WDR70: variants seen among roughly 807,000 people sequenced by gnomAD.
WDR70 encodes WD repeat domain 70, also known as WD repeat-containing protein 70.
Under a neutral mutation model 88.6 loss-of-function variants are expected in WDR70, and 53 were observed. The observed-to-expected ratio is 0.60, with a 90% CI of 0.48 to 0.75. The LOEUF (loss-of-function observed/expected upper bound fraction) is 0.75. Among genes scored for constraint, WDR70 ranks in the 30% least tolerant of loss-of-function variants. WDR70 has a pLI of 0.00. For missense variants in WDR70, 610 were observed against 823.2 expected (o/e 0.74, Z 3.17); for synonymous variants, 280 against 270.0 (o/e 1.04, Z -0.36).
At chr5:37,570,120 A>C (rs779681434) in intron 9 of WDR70, among the ~76,000 whole-genome samples, 3 of 152,120 alleles carry the variant, frequency 2.0e-5, no homozygotes, top group Non-Finnish European at 4.4e-5. Context: ...ACTAGAGGCG[A>C]TGGGACCATA....
rs1207198051 is a variant in WDR70 at position 37,402,895 on chromosome 5, C to CTTCT, written c.492+6328_492+6329insTTTC. Among the ~76,000 whole-genome samples, 50 of 148,306 alleles carry CTTCT rather than the reference C, an allele frequency of 3.4e-4. No homozygotes were observed. The East Asian group carries it at 7.4e-3, about 22-fold the overall frequency. ...CAGGTAAGAGCATGTAAAATCCATC[C>CTTCT]TTCCTTCCTTCCTTCCTTCCCTCTT... On this transcript the variant is annotated intron_variant, in intron 5 of 17. Coordinates refer to ENST00000265107, the MANE Select transcript of WDR70 (RefSeq NM_018034.4).
chr5:37,567,368 A>G (rs1742774910), intron 9 of WDR70, among the ~76,000 whole-genome samples: 2 of 152,210 alleles, frequency 1.3e-5, no homozygotes, highest in Admixed American at 6.5e-5. Flanking sequence ...TGTTCTGCCC[A>G]CAGAATTTTA....
intron 10 of WDR70, among the ~76,000 whole-genome samples, chr5:37,679,905 C>A (rs1746373267): frequency 6.6e-6 from 1 of 152,274 alleles, no homozygotes; most frequent in Non-Finnish European, 1.5e-5. Context: ...AGCTTCCCGG[C>A]TGCTTTGTTT....
At chr5:37,453,897 T>C (rs2112086134) in intron 7 of WDR70, among the ~76,000 whole-genome samples, 1 of 152,284 alleles carries the variant, frequency 6.6e-6, no homozygotes, top group East Asian at 1.9e-4. Context: ...GTAGCTCCTC[T>C]CCCACCTCTC....
In WDR70 at chr5:37,422,974, T is replaced by C. The variant is rs117079216; in HGVS notation, c.493-14948T>C. On this transcript the variant is annotated intron_variant, in intron 5 of 17. Transcript: ENST00000265107. ...CAAAATGCGGGAATGTTGTGAAAAG[T>C]TTTTGATTGCTACCAAGGTGGTGGA... is the stretch of plus-strand genomic sequence containing the variant. Among the ~76,000 whole-genome samples the C allele has an allele frequency of 7.9e-5, 12 of 152,118 alleles. No homozygotes were observed. The East Asian group carries it at 2.3e-3, about 29-fold the overall frequency.
intron 9 of WDR70, among the ~76,000 whole-genome samples, chr5:37,576,357 A>C (rs1175653400): frequency 6.6e-6 from 1 of 151,868 alleles, no homozygotes; most frequent in Admixed American, 6.6e-5. Context: ...AAGGCAAGAT[A>C]ATAGCTCCTT....
At chr5:37,629,493 T>G (rs1654674259) in intron 10 of WDR70, among the ~76,000 whole-genome samples, 1 of 152,188 alleles carries the variant, frequency 6.6e-6, no homozygotes, top group Non-Finnish European at 1.5e-5. Flanking sequence ...TGCCACTGCT[T>G]GTGTTATTTC....
intron 11 of WDR70, among the ~76,000 whole-genome samples, chr5:37,699,039 A>G (rs1207112549): frequency 6.6e-6 from 1 of 152,124 alleles, no homozygotes; most frequent in Admixed American, 6.6e-5. Flanking sequence ...CCAGTAGTGT[A>G]TCTGAATCCC....
At chr5:37,695,572 C>G (rs1424661049) in intron 10 of WDR70, among the ~76,000 whole-genome samples, 2 of 152,172 alleles carry the variant, frequency 1.3e-5, no homozygotes, top group Non-Finnish European at 2.9e-5. Context: ...GTTGGCAGGA[C>G]TCAGATCCCT....
chr5:37,577,755 C>T (rs1195650566), intron 9 of WDR70, among the ~76,000 whole-genome samples: 2 of 151,974 alleles, frequency 1.3e-5, no homozygotes, highest in Admixed American at 1.3e-4. Flanking sequence ...GGAGGAGAGC[C>T]GGTATGAGGG....
intron 13 of WDR70, among the ~76,000 whole-genome samples, chr5:37,717,472 C>T (rs1055443021): frequency 6.6e-6 from 1 of 152,170 alleles, no homozygotes; most frequent in Non-Finnish European, 1.5e-5. Flanking sequence ...CTGCATTTCT[C>T]AGTGACTCCT....
intron 9 of WDR70, among the ~76,000 whole-genome samples, chr5:37,576,955 G>A (rs2112417197): frequency 6.6e-6 from 1 of 152,254 alleles, no homozygotes; most frequent in Middle Eastern, 3.4e-3. Flanking sequence ...CAGGAATAAA[G>A]GTCCAATCCA....
chr5:37,398,574 C>T (rs754720331), intron 5 of WDR70, among the ~76,000 whole-genome samples: 19 of 152,070 alleles, frequency 1.2e-4, no homozygotes, highest in Non-Finnish European at 2.2e-4. Flanking sequence ...TGTCAATTTG[C>T]GTCTGTCTGT....
At chr5:37,517,189 T>C (rs1019357703) in intron 9 of WDR70, among the ~76,000 whole-genome samples, 1 of 152,222 alleles carries the variant, frequency 6.6e-6, no homozygotes, top group Non-Finnish European at 1.5e-5. Context: ...TTGTGACTAA[T>C]TATTACTTTG....
chr5:37,662,198 T>A (rs1286937493), intron 10 of WDR70, among the ~76,000 whole-genome samples: 1 of 152,234 alleles, frequency 6.6e-6, no homozygotes, highest in Non-Finnish European at 1.5e-5. Context: ...ATGAATAGCC[T>A]TTCAGAACAT....
intron 8 of WDR70, among the ~76,000 whole-genome samples, chr5:37,513,608 G>C (rs1740789683): frequency 6.6e-6 from 1 of 152,118 alleles, no homozygotes; most frequent in Admixed American, 6.5e-5. Flanking sequence ...ATGATCACAA[G>C]GTCCCACAAT....
intron 17 of WDR70, 94 bp downstream of exon 17, chr5:37,727,139 T>A (rs186267671): frequency 1.9e-5 from 28 of 1,452,198 alleles, no homozygotes; most frequent in Admixed American, 4.8e-5. Context: ...ACTTCTCTAT[T>A]TCTTATTTCA....
rs150852770 is a variant in WDR70 at position 37,431,183 on chromosome 5, G to A, written c.493-6739G>A. 1.6e-3 allele frequency among the ~76,000 whole-genome samples: 243 copies of A among 152,256 alleles called. 1 individual carries two copies. Among genetic ancestry groups the A allele is most frequent in the Non-Finnish European group, 2.0e-3 (137 of 68,022 alleles). ...ATATTTAAAGTTCTGACTGTCATCG[G>A]ATTGCAAGATTCATGAAGGCAGGAA... is the stretch of plus-strand genomic sequence containing the variant. On this transcript the variant is annotated intron_variant, in intron 5 of 17. Coordinates refer to ENST00000265107, the MANE Select transcript of WDR70 (RefSeq NM_018034.4).
intron 7 of WDR70, among the ~76,000 whole-genome samples, chr5:37,444,163 A>T (rs928314747): frequency 4.7e-5 from 7 of 147,680 alleles, no homozygotes; most frequent in African/African-American, 1.2e-4. Flanking sequence ...CAAAAAAATT[A>T]AAAAAAAAAC....
Sources: allele counts gnomAD v4.1 joint callset (sites outside exome capture counted in the v4.1 genomes callset), GRCh38; gene constraint gnomAD v4.1.1; transcripts MANE v1.5; gene names NCBI Gene and HGNC (gene_info 2026-07-23, HGNC 2026-07-21).